AGA: variants seen among roughly 807,000 people sequenced by gnomAD.
The protein encoded by AGA is aspartylglucosaminidase, also known as N(4)-(beta-N-acetylglucosaminyl)-L-asparaginase.
AGA carries 31 observed loss-of-function variants against 40.1 expected under a neutral mutation model. The ratio of observed to expected loss-of-function variants is 0.77; its 90% CI spans 0.58 to 1.04. AGA has a LOEUF of 1.04. AGA is among the 50% of genes least tolerant of loss of function. The pLI, the probability that AGA is intolerant of heterozygous loss-of-function variation, is 0.00. For missense variants in AGA, 445 were observed against 435.4 expected (o/e 1.02, Z -0.20); for synonymous variants, 148 against 144.0 (o/e 1.03, Z -0.20).
intron 2 of AGA, 137 bp from the exon 3 acceptor site, chr4:177,439,825 G>T: frequency 1.3e-6 from 1 of 762,324 alleles, no homozygotes; most frequent in South Asian, 1.4e-5. Context: ...GCACATCCAC[G>T]AAGTTCATAT....
At position 177,442,357 on chromosome 4, in the gene AGA, A is replaced by C; in HGVS notation, c.19T>G (p.Leu7Val). The C allele has an allele frequency of 1.2e-6, 2 of 1,614,098 alleles. No individual in the cohort carries two copies. Among genetic ancestry groups the C allele is most frequent in the Non-Finnish European group, 1.7e-6 (2 of 1,179,952 alleles). Residue 7 changes from leucine to valine, a missense_variant, in exon 1 of 9, where the codon TTG (leucine) becomes GTG (valine). Coordinates refer to ENST00000264595, the MANE Select transcript of AGA (RefSeq NM_000027.4). MARKSN[L>V]PVLLVPFLLC... ...AGAAACGGCACGAGAAGCACAGGCA[A>C]GTTCGACTTCCGCGCCATCCCTGAC...
intron 4 of AGA, among the ~76,000 whole-genome samples, chr4:177,438,142 GT>G (rs1328256465): frequency 1.3e-5 from 2 of 152,048 alleles, no homozygotes; most frequent in African/African-American, 2.4e-5. Context: ...CCCTAACTTC[GT>G]TTTATGATTA....
At chr4:177,436,105 GC>G (rs1736807132) in intron 6 of AGA, among the ~76,000 whole-genome samples, 170 bp downstream of exon 6, 1 of 152,098 alleles carries the variant, frequency 6.6e-6, no homozygotes, top group Admixed American at 6.6e-5. Context: ...TATAGCACTG[GC>G]TGTGACTCCC....
intron 2 of AGA, 168 bp downstream of exon 2, chr4:177,440,105 A>AT (rs965447070): frequency 0.047 from 25,513 of 538,720 alleles, no homozygotes; most frequent in South Asian, 0.061. Flanking sequence ...TATTACTCTG[A>AT]TTTTTTTTTT....
intron 1 of AGA, 120 bp downstream of exon 1, chr4:177,442,129 G>T (rs908575090): frequency 6.9e-7 from 1 of 1,445,240 alleles, no homozygotes; most frequent in Non-Finnish European, 9.4e-7. Context: ...GGACCGCGAG[G>T]CCCGGCCCAG....
At position 177,431,304 on chromosome 4, in the gene AGA, A is replaced by C. The variant is rs1483283776; in HGVS notation, c.*404T>G. On this transcript the variant is annotated 3_prime_UTR_variant, in exon 9 of 9. Transcript: ENST00000264595. ...AATTCAATCAGGACTGATCATGCTG[A>C]GACTCTGCTGTTTTTTTCTTTGGGT... is the stretch of plus-strand genomic sequence containing the variant. 3 of 447,880 alleles carry C rather than the reference A, an allele frequency of 6.7e-6. No individual in the cohort carries two copies. In the East Asian group the frequency reaches 2.1e-4, roughly 31 times the overall value. 27.7% of individuals were successfully genotyped at this position (447,880 alleles called of 1,614,324 possible). A position where few individuals can be genotyped will look rare whatever the true frequency, so the allele number is the denominator to read the frequency against.
chr4:177,439,510 T>C, intron 3 of AGA, 66 bp downstream of exon 3: 2 of 1,148,328 alleles, frequency 1.7e-6, no homozygotes, highest in Non-Finnish European at 2.6e-6. Context: ...CATGATTTTG[T>C]ACTATTTTTC....
chr4:177,431,296 T>A lies in AGA; in HGVS notation c.*412A>T, dbSNP rs1305779739. On this transcript the variant is annotated 3_prime_UTR_variant, in exon 9 of 9. Coordinates refer to ENST00000264595, the MANE Select transcript of AGA (RefSeq NM_000027.4). ...CATAATGAAATTCAATCAGGACTGA[T>A]CATGCTGAGACTCTGCTGTTTTTTT... 2.2e-6 allele frequency: 1 copy of A among 446,840 alleles called. No homozygotes were observed. The highest frequency in any genetic ancestry group is 1.6e-5 in the South Asian group (1 of 62,104). The allele number at this position is 446,840 out of a possible 1,614,324, so 27.7% of individuals were successfully genotyped here. A position where few individuals can be genotyped will look rare whatever the true frequency, so the allele number is the denominator to read the frequency against.
At chr4:177,436,196 T>G (rs571447058) in intron 6 of AGA, 80 bp downstream of exon 6, 2 of 1,203,894 alleles carry the variant, frequency 1.7e-6, no homozygotes, top group East Asian at 4.7e-5. Flanking sequence ...GGCTGTGCTT[T>G]GCAACCCCCA....
At chr4:177,431,877 C>A in intron 8 of AGA, 69 bp from the exon 9 acceptor site, 1 of 1,312,816 alleles carries the variant, frequency 7.6e-7, no homozygotes, top group Non-Finnish European at 1.1e-6. Context: ...AATACAGATA[C>A]TGCTTATTTG....
In AGA at chr4:177,440,350, C is replaced by T. The variant is rs373209495; in HGVS notation, c.204G>A (p.Gln68=). ...ESGCAMCERE[Q]CDGSVGFGGS... is the part of the protein sequence containing the mutation. ...CTCCAAAGCCTACAGAGCCGTCACA[C>T]TGCTCTCTCTCACACATGGCACAGC... The change falls in exon 2 of 9, where the codon CAG becomes CAA. Residue 68 remains glutamine (Q), a synonymous_variant. Coordinates refer to ENST00000264595, the MANE Select transcript of AGA (RefSeq NM_000027.4). 2 of 1,613,994 alleles carry T rather than the reference C, an allele frequency of 1.2e-6. No individual in the cohort carries two copies. Among genetic ancestry groups the T allele is most frequent in the Non-Finnish European group, 1.7e-6 (2 of 1,180,046 alleles).
Position 177,442,299 on chromosome 4 carries a change from G to A in AGA, c.77C>T (p.Pro26Leu). 1 of 1,614,092 alleles carries A rather than the reference G, an allele frequency of 6.2e-7. No individual in the cohort carries two copies. Residue 26 changes from proline (P) to leucine (L), a missense_variant, in exon 1 of 9, where the codon CCT (proline) becomes CTT (leucine). Transcript: ENST00000264595. ...LCQALVRCSS[P>L]LPLVVNTWPF... ...CCAAGTGTTGACGACCAGGGGCAGA[G>A]GGCTGGAGCAGCGCACTAGGGCCTG...
In AGA at chr4:177,433,298, A is replaced by G; in HGVS notation, c.856T>C (p.Cys286Arg). ...TGGATTCTTGAAATCACTTTTTGGC[A>G]AGCTATGGTTGGATCTTCTCCTCTT... ...MRRGEDPTIA[C>R]QKVISRIQKH... Residue 286 changes from cysteine to arginine, a missense_variant, in exon 8 of 9, where the codon TGC becomes CGC. By Grantham distance (180) the Cys-to-Arg change is radical. Coordinates refer to ENST00000264595, the MANE Select transcript of AGA (RefSeq NM_000027.4). 1 of 1,614,080 alleles carries G rather than the reference A, an allele frequency of 6.2e-7. No individual in the cohort carries two copies. The highest frequency in any genetic ancestry group is 8.5e-7 in the Non-Finnish European group (1 of 1,179,978).
intron 1 of AGA, 88 bp downstream of exon 1, chr4:177,442,161 C>T: frequency 6.3e-7 from 1 of 1,576,950 alleles, no homozygotes; most frequent in Non-Finnish European, 8.6e-7. Flanking sequence ...TCCGTCCGCC[C>T]TGCCGGGTGA....
intron 5 of AGA, among the ~76,000 whole-genome samples, chr4:177,436,722 G>A (rs1282169182): frequency 1.3e-5 from 2 of 152,222 alleles, no homozygotes; most frequent in African/African-American, 2.4e-5. Flanking sequence ...CCGTAACTGT[G>A]AGAAATAAAT....
chr4:177,435,864 C>T (rs1416261205), intron 6 of AGA, among the ~76,000 whole-genome samples: 2 of 151,644 alleles, frequency 1.3e-5, no homozygotes, highest in East Asian at 1.9e-4. Flanking sequence ...CACACACACA[C>T]ACACACACAC....
At position 177,430,795 on chromosome 4, in the gene AGA, T is replaced by G. The variant is rs1477616022; in HGVS notation, c.*913A>C. The G allele has an allele frequency of 1.3e-4, 57 of 453,386 alleles. 1 individual carries two copies. In the Admixed American group the frequency reaches 1.3e-3, roughly 11 times the overall value. The allele number at this position is 453,386 out of a possible 1,614,324, so 28.1% of individuals were successfully genotyped here. ...AAAGTTTGAATATCGTACATGTACA[T>G]TTATTAATGACTGTTGATTAAAAAG... is the stretch of plus-strand genomic sequence containing the variant. On this transcript the variant is annotated 3_prime_UTR_variant, in exon 9 of 9. Transcript: ENST00000264595.
Position 177,442,369 on chromosome 4 carries a change from G to T in AGA, c.7C>A (p.Arg3=). Reference sequence around the variant, plus strand: ...AGAAGCACAGGCAAGTTCGACTTCCGCGCCATCCCTGACCACCGAAGAGAC... The same window carrying T: ...AGAAGCACAGGCAAGTTCGACTTCCTCGCCATCCCTGACCACCGAAGAGAC... MA[R]KSNLPVLLVP... is the part of the protein sequence containing the mutation. Residue 3 remains arginine (R), a synonymous_variant, in exon 1 of 9, where the codon CGG becomes AGG. Coordinates refer to ENST00000264595, the MANE Select transcript of AGA (RefSeq NM_000027.4). 6.2e-7 allele frequency: 1 copy of T among 1,614,020 alleles called. No individual in the cohort carries two copies. Among genetic ancestry groups the T allele is most frequent in the Non-Finnish European group, 8.5e-7 (1 of 1,179,932 alleles).
chr4:177,430,913 A>G lies in AGA; in HGVS notation c.*795T>C, dbSNP rs1349096289. The G allele has an allele frequency of 4.4e-6, 2 of 453,986 alleles. No individual in the cohort carries two copies. Among genetic ancestry groups the G allele is most frequent in the Admixed American group, 4.7e-5 (2 of 42,548 alleles). 28.1% of individuals were successfully genotyped at this position (453,986 alleles called of 1,614,324 possible). On this transcript the variant is annotated 3_prime_UTR_variant, in exon 9 of 9. Coordinates refer to ENST00000264595, the MANE Select transcript of AGA (RefSeq NM_000027.4). Reference sequence around the variant, plus strand: ...AGTTAATCAGAAGTTAGGGAAACAAACCAAGCTAAACAACCCATTTCTTGA... The same window carrying G: ...AGTTAATCAGAAGTTAGGGAAACAAGCCAAGCTAAACAACCCATTTCTTGA...
Sources: gnomAD v4.1 joint callset for allele counts (sites outside exome capture counted in the v4.1 genomes callset) on GRCh38, gnomAD v4.1.1 for gene constraint, MANE v1.5 for transcripts, NCBI Gene and HGNC (gene_info 2026-07-23, HGNC 2026-07-21) for gene names.